The following DPP6 variants were observed in gnomAD, a reference collection of about 807,000 sequenced individuals.
DPP6 encodes dipeptidyl peptidase like 6.
DPP6 carries 69 observed loss-of-function variants against 122.6 expected under a neutral mutation model. The ratio of observed to expected loss-of-function variants is 0.56; its 90% CI spans 0.46 to 0.69. DPP6 has a LOEUF of 0.69. DPP6 is among the 30% of genes least tolerant of loss of function. DPP6 has a pLI of 0.00. For synonymous variants in DPP6, 418 were observed against 433.1 expected, an observed-to-expected ratio of 0.97 and a Z score of 0.43; for missense variants, 928 against 1,116.9, an observed-to-expected ratio of 0.83 and a Z score of 2.41.
intron 1 of DPP6, among the ~76,000 whole-genome samples, chr7:154,270,465 C>T (rs189704767): frequency 5.3e-5 from 8 of 152,182 alleles, no homozygotes; most frequent in East Asian, 1.9e-4. Flanking sequence ...TCTAGAAGCT[C>T]GTAAGGGTCT....
chr7:154,555,506 A>T lies in DPP6; in HGVS notation c.553-11336A>T, dbSNP rs530508888. Among the ~76,000 whole-genome samples the T allele has an allele frequency of 2.2e-4, 34 of 152,230 alleles. 1 individual carries two copies. Among genetic ancestry groups the T allele is most frequent in the African/African-American group, 7.9e-4 (33 of 41,538 alleles). On this transcript the variant is annotated intron_variant, in intron 4 of 25. Coordinates refer to ENST00000377770, the MANE Select transcript of DPP6 (RefSeq NM_130797.4). Reference sequence around the variant, plus strand: ...GGGGACGGATAGCATTAGGAGATATACCTAATGCTAAATGACGAGTTAATG... The same window carrying T: ...GGGGACGGATAGCATTAGGAGATATTCCTAATGCTAAATGACGAGTTAATG...
chr7:153,859,457 T>C, the DPP6 span, among the ~76,000 whole-genome samples: 1 of 152,152 alleles, frequency 6.6e-6, no homozygotes. Flanking sequence ...CTAGACCATG[T>C]TGTGCAGAAA....
intron 1 of DPP6, among the ~76,000 whole-genome samples, chr7:154,201,553 T>C (rs911555142): frequency 2.0e-5 from 3 of 152,236 alleles, no homozygotes; most frequent in Non-Finnish European, 4.4e-5. Flanking sequence ...TTCCAGATTC[T>C]GAAAACCCTT....
At chr7:154,476,407 T>C (rs1822741861) in intron 3 of DPP6, among the ~76,000 whole-genome samples, 1 of 152,244 alleles carries the variant, frequency 6.6e-6, no homozygotes, top group African/African-American at 2.4e-5. Context: ...GTTCACTGTA[T>C]GTTCGTGTAC....
the DPP6 span, among the ~76,000 whole-genome samples, chr7:153,843,357 G>C: frequency 0.13 from 19,742 of 152,228 alleles, 1,340 homozygotes; most frequent in African/African-American, 0.16. Flanking sequence ...TTCAGGCTTT[G>C]TGGTCCCAGC....
At chr7:154,499,618 T>G (rs1031583879) in intron 3 of DPP6, among the ~76,000 whole-genome samples, 2 of 152,056 alleles carry the variant, frequency 1.3e-5, no homozygotes, top group Non-Finnish European at 2.9e-5. Context: ...TTAGTATATT[T>G]TGGTTAAAAA....
At chr7:154,143,521 G>C (rs1251311657) in intron 1 of DPP6, among the ~76,000 whole-genome samples, 1 of 151,674 alleles carries the variant, frequency 6.6e-6, no homozygotes, top group Non-Finnish European at 1.5e-5. Context: ...AAACAAAAGG[G>C]AAATACAAAA....
chr7:153,916,817 A>C (rs1800347617), intron 1 of DPP6, among the ~76,000 whole-genome samples: 1 of 152,176 alleles, frequency 6.6e-6, no homozygotes, highest in South Asian at 2.1e-4. Context: ...CATTTATTTT[A>C]TAAATTTTAT....
chr7:154,083,943 G>T (rs1197691380), intron 1 of DPP6, among the ~76,000 whole-genome samples: 1 of 144,822 alleles, frequency 6.9e-6, no homozygotes, highest in African/African-American at 2.7e-5. Flanking sequence ...TTGGGGGCTA[G>T]AATTGAGATG....
intron 1 of DPP6, among the ~76,000 whole-genome samples, chr7:154,016,354 A>G (rs1798417034): frequency 6.6e-6 from 1 of 151,270 alleles, no homozygotes; most frequent in Admixed American, 6.6e-5. Context: ...GAAGCATTAT[A>G]TAACAATTTT....
At chr7:153,760,486 T>C in the DPP6 span, among the ~76,000 whole-genome samples, 3 of 152,296 alleles carry the variant, frequency 2.0e-5, no homozygotes, top group African/African-American at 7.2e-5. Context: ...ATCTTGTACA[T>C]GCTGGATATT....
chr7:154,834,498 CAAAAACA>C (rs1800889885), intron 16 of DPP6, among the ~76,000 whole-genome samples: 1 of 151,356 alleles, frequency 6.6e-6, no homozygotes, highest in African/African-American at 2.4e-5. Flanking sequence ...AAAACAAAAA[CAAAAACA>C]AAAAAAACCA....
chr7:153,926,166 G>A (rs10155813), intron 1 of DPP6, among the ~76,000 whole-genome samples: 44,853 of 152,082 alleles, frequency 0.29, 7,743 homozygotes, highest in East Asian at 0.64. Context: ...ATTCATGGTT[G>A]TTCCATCCTT....
At chr7:153,908,524 C>A (rs1411725398) in intron 1 of DPP6, among the ~76,000 whole-genome samples, 3 of 152,102 alleles carry the variant, frequency 2.0e-5, no homozygotes, top group Non-Finnish European at 4.4e-5. Context: ...TAAATGATTT[C>A]TATAGGCACA....
intron 7 of DPP6, among the ~76,000 whole-genome samples, chr7:154,719,404 G>A (rs1166448806): frequency 6.6e-6 from 1 of 152,126 alleles, no homozygotes; most frequent in Admixed American, 6.5e-5. Context: ...AGGAAGGGAG[G>A]ATGGAACTCA....
intron 16 of DPP6, among the ~76,000 whole-genome samples, chr7:154,828,215 A>G (rs1219898752): frequency 6.6e-6 from 1 of 152,148 alleles, no homozygotes; most frequent in Non-Finnish European, 1.5e-5. Context: ...GCATTTGGGG[A>G]AGATGGGGCA....
chr7:154,726,535 G>C (rs1417984836), intron 7 of DPP6, among the ~76,000 whole-genome samples: 1 of 152,212 alleles, frequency 6.6e-6, no homozygotes, highest in African/African-American at 2.4e-5. Context: ...CACCAAGGCT[G>C]CACAGAGAAG....
At chr7:153,825,543 A>G in the DPP6 span, among the ~76,000 whole-genome samples, 1 of 103,902 alleles carries the variant, frequency 9.6e-6, no homozygotes, top group African/African-American at 3.9e-5. Flanking sequence ...CATCTTGCCC[A>G]TTTTTTTCTT....
intron 2 of DPP6, among the ~76,000 whole-genome samples, chr7:154,459,850 T>C (rs1326630009): frequency 7.2e-6 from 1 of 139,008 alleles, no homozygotes; most frequent in Non-Finnish European, 1.6e-5. Context: ...AGAAAAGAAA[T>C]ATTAAATGAA....
Sources: allele counts gnomAD v4.1 joint callset (sites outside exome capture counted in the v4.1 genomes callset), GRCh38; gene constraint gnomAD v4.1.1; transcripts MANE v1.5; gene names NCBI Gene and HGNC (gene_info 2026-07-23, HGNC 2026-07-21).